The following SLC25A46 variants were observed in gnomAD, a reference collection of about 807,000 sequenced individuals.
SLC25A46 encodes the protein solute carrier family 25 member 46.
SLC25A46 carries 39 observed loss-of-function variants against 44.6 expected under a neutral mutation model. The ratio of observed to expected loss-of-function variants is 0.87; its 90% CI spans 0.68 to 1.14. The LOEUF (loss-of-function observed/expected upper bound fraction) is 1.14, where lower values mean the gene tolerates loss of function less well. Among genes scored for constraint, SLC25A46 ranks in the 50% most tolerant of loss-of-function variants. SLC25A46 has a pLI of 0.00. For synonymous variants in SLC25A46, 202 were observed against 185.8 expected (o/e 1.09, Z -0.71); for missense variants, 547 against 522.7 (o/e 1.05, Z -0.45).
At chr5:110,750,279 G>A (rs191665910) in intron 5 of SLC25A46, among the ~76,000 whole-genome samples, 24 of 145,744 alleles carry the variant, frequency 1.6e-4, no homozygotes, top group South Asian at 9.1e-4. Context: ...TCTGTATTTC[G>A]TTGTTTGGCT....
At position 110,755,498 on chromosome 5, in the gene SLC25A46, A is replaced by G. The variant is rs924688251; in HGVS notation, c.597A>G (p.Ile199Met). The G allele has an allele frequency of 1.9e-6, 3 of 1,575,380 alleles. No individual in the cohort carries two copies. The highest frequency in any genetic ancestry group is 2.6e-6 in the Non-Finnish European group (3 of 1,162,904). ...EVLHKWSPKQ[I>M]GEHLLLKSLT... Reference sequence around the variant, plus strand: ...TACATAAATGGAGTCCTAAACAAATAGGAGAACACCTTCTACTGAAATCGT... The same window carrying G: ...TACATAAATGGAGTCCTAAACAAATGGGAGAACACCTTCTACTGAAATCGT... The change falls in exon 6 of 8, where the codon ATA becomes ATG. Residue 199 changes from isoleucine to methionine, a missense_variant. Physicochemically the swap from Ile to Met is conservative, Grantham distance 10. Transcript: ENST00000355943.
rs1158452526 is a variant in SLC25A46, at chr5:110,763,397, G to A, written c.*1615G>A. 1 of 151,384 alleles carries A rather than the reference G, an allele frequency of 6.6e-6. No individual in the cohort carries two copies. Among genetic ancestry groups the A allele is most frequent in the African/African-American group, 2.4e-5 (1 of 41,066 alleles). 9.4% of individuals were successfully genotyped at this position (151,384 alleles called of 1,614,324 possible). A position where few individuals can be genotyped will look rare whatever the true frequency, so the allele number is the denominator to read the frequency against. The stretch of plus-strand genomic sequence containing the variant: ...AATCTCTCGTGTGTGTGTGTGTGTA[G>A]TTACTGAAACACCTACATTTTCCAT... On this transcript the variant is annotated 3_prime_UTR_variant, in exon 8 of 8. Coordinates refer to ENST00000355943, the MANE Select transcript of SLC25A46 (RefSeq NM_138773.4).
At chr5:110,741,280 C>A (rs1799683734) in intron 1 of SLC25A46, among the ~76,000 whole-genome samples, 1 of 152,118 alleles carries the variant, frequency 6.6e-6, no homozygotes, top group Admixed American at 6.5e-5. Context: ...AGGAATGTTC[C>A]CAGCTGTGAA....
chr5:110,739,035 G>T lies in SLC25A46; in HGVS notation c.-85G>T. The T allele has an allele frequency of 4.7e-6, 7 of 1,488,412 alleles. No individual in the cohort carries two copies. Among genetic ancestry groups the T allele is most frequent in the Non-Finnish European group, 6.2e-6 (7 of 1,128,140 alleles). The allele number at this position is 1,488,412 out of a possible 1,614,324, so 92.2% of individuals were successfully genotyped here. ...ATTTACCCCTGACGCGGCGGCGGCC[G>T]ACGGGAAGCTGTGTGTGCTTAGGTC... On this transcript the variant is annotated 5_prime_UTR_variant, in exon 1 of 8. Transcript: ENST00000355943.
chr5:110,749,248 T>A (rs867648136), intron 5 of SLC25A46, among the ~76,000 whole-genome samples: 2 of 151,968 alleles, frequency 1.3e-5, no homozygotes, highest in South Asian at 4.2e-4. Context: ...AATTTATCTT[T>A]CAATAAATGA....
At position 110,762,948 on chromosome 5, in the gene SLC25A46, A is replaced by G. The variant is rs183447177; in HGVS notation, c.*1166A>G. 6.6e-6 allele frequency: 1 copy of G among 152,058 alleles called. No individual in the cohort carries two copies. The highest frequency in any genetic ancestry group is 1.9e-4 in the East Asian group (1 of 5,162). 9.4% of individuals were successfully genotyped at this position (152,058 alleles called of 1,614,324 possible). On this transcript the variant is annotated 3_prime_UTR_variant, in exon 8 of 8. Coordinates refer to ENST00000355943, the MANE Select transcript of SLC25A46 (RefSeq NM_138773.4). ...TTAAACTTCTTTAGATGAATACTGA[A>G]GAAAAATCCAAACCTTAAAGGAAAT...
intron 7 of SLC25A46, among the ~76,000 whole-genome samples, chr5:110,760,025 G>A (rs1416953478): frequency 1.3e-5 from 2 of 152,092 alleles, no homozygotes; most frequent in African/African-American, 4.8e-5. Flanking sequence ...GGTCCATTGT[G>A]TACCTTTTTC....
At chr5:110,757,996 T>G (rs1800157836) in intron 7 of SLC25A46, among the ~76,000 whole-genome samples, 1 of 152,180 alleles carries the variant, frequency 6.6e-6, no homozygotes, top group South Asian at 2.1e-4. Flanking sequence ...ATGAGTTATT[T>G]ATATAAGTGC....
At chr5:110,753,385 T>G (rs1445946253) in intron 5 of SLC25A46, 1 of 151,866 alleles carries the variant, frequency 6.6e-6, no homozygotes, top group African/African-American at 2.4e-5. Flanking sequence ...TTTAGAATTT[T>G]ATTGCCTTTT....
At chr5:110,754,920 A>G (rs1264531334) in intron 5 of SLC25A46, 2 of 152,380 alleles carry the variant, frequency 1.3e-5, no homozygotes, top group African/African-American at 4.8e-5. Flanking sequence ...GAAATAGTTC[A>G]TGCAAAGCAC....
intron 4 of SLC25A46, among the ~76,000 whole-genome samples, chr5:110,747,675 A>T (rs1353057735): frequency 6.6e-6 from 1 of 152,166 alleles, no homozygotes; most frequent in Non-Finnish European, 1.5e-5. Context: ...GATTTGTAAG[A>T]TACTAAGGGA....
rs761259380 is a variant in SLC25A46, at chr5:110,739,225, G to C, written c.106G>C (p.Gly36Arg). 1.6e-5 allele frequency: 25 copies of C among 1,576,254 alleles called. No homozygotes were observed. The South Asian group carries it at 2.9e-4, about 18-fold the overall frequency. Residue 36 changes from glycine (G) to arginine (R), a missense_variant, in exon 1 of 8, where the codon GGG (glycine) becomes CGG (arginine). Physicochemically the swap from Gly to Arg is moderately radical, Grantham distance 125. Transcript: ENST00000355943. Reference protein sequence around the residue: ...GAFPARSFSTGSDLGHWVTTP... With the variant: ...GAFPARSFSTRSDLGHWVTTP... ...CTTCCCTGCAAGGTCCTTCAGCACCGGGTCGGACCTGGGCCACTGGGTGAC... is the reference window on the plus strand; with the variant it reads ...CTTCCCTGCAAGGTCCTTCAGCACCCGGTCGGACCTGGGCCACTGGGTGAC...
intron 5 of SLC25A46, among the ~76,000 whole-genome samples, chr5:110,750,278 C>T (rs1035466330): frequency 2.6e-5 from 4 of 151,788 alleles, no homozygotes; most frequent in East Asian, 3.9e-4. Context: ...ATCTGTATTT[C>T]GTTGTTTGGC....
rs1273758609 is a variant in SLC25A46 at position 110,764,627 on chromosome 5, T to A, written c.*2845T>A. 1 of 151,834 alleles carries A rather than the reference T, an allele frequency of 6.6e-6. No individual in the cohort carries two copies. The highest frequency in any genetic ancestry group is 1.5e-5 in the Non-Finnish European group (1 of 67,910). The allele number at this position is 151,834 out of a possible 1,614,324, so 9.4% of individuals were successfully genotyped here. A position where few individuals can be genotyped will look rare whatever the true frequency, so the allele number is the denominator to read the frequency against. On this transcript the variant is annotated 3_prime_UTR_variant, in exon 8 of 8. Transcript: ENST00000355943. ...ATTCACTTTATTGATTGAGTACAAA[T>A]GCTTTAGTGTTTCTACCTAAGTATT...
intron 5 of SLC25A46, among the ~76,000 whole-genome samples, chr5:110,750,044 T>G (rs1799922439): frequency 6.6e-6 from 1 of 152,058 alleles, no homozygotes; most frequent in South Asian, 2.1e-4. Context: ...GCATAGCTAC[T>G]AGTGTAACGC....
intron 6 of SLC25A46, among the ~76,000 whole-genome samples, chr5:110,755,837 T>C (rs141924569): frequency 3.9e-5 from 6 of 152,322 alleles, no homozygotes; most frequent in African/African-American, 1.2e-4. Flanking sequence ...TATTTTATTG[T>C]TAATCAGAGA....
chr5:110,743,600 A>T, intron 2 of SLC25A46, 130 bp from the exon 3 acceptor site: 4 of 503,742 alleles, frequency 7.9e-6, no homozygotes, highest in Non-Finnish European at 1.4e-5. Flanking sequence ...GATCTATTTA[A>T]TTTGTTTAAG....
chr5:110,741,386 A>G (rs1280994251), intron 1 of SLC25A46, among the ~76,000 whole-genome samples: 1 of 152,222 alleles, frequency 6.6e-6, no homozygotes. Flanking sequence ...CAAACTATTT[A>G]AAACTTGAAG....
upstream of SLC25A46, chr5:110,738,775 T>A (rs1323374087): frequency 2.8e-6 from 1 of 355,994 alleles, no homozygotes; most frequent in Non-Finnish European, 5.0e-6. Context: ...ATCTTTGAAC[T>A]CCTCCCATGC....
Sources: gnomAD v4.1 joint callset for allele counts (sites outside exome capture counted in the v4.1 genomes callset) on GRCh38, gnomAD v4.1.1 for gene constraint, MANE v1.5 for transcripts, NCBI Gene and HGNC (gene_info 2026-07-23, HGNC 2026-07-21) for gene names.